Variants in GPHN observed in about 807,000 individuals in gnomAD.
The protein encoded by GPHN is gephyrin.
A neutral mutation model predicts 95.5 loss-of-function variants in GPHN; 17 were observed. The ratio of observed to expected loss-of-function variants is 0.18; its 90% confidence interval spans 0.12 to 0.27. The LOEUF (loss-of-function observed/expected upper bound fraction) is 0.27, where lower values mean the gene tolerates loss of function less well. Ranked by LOEUF, GPHN falls within the 10% of genes least tolerant of loss-of-function variation. The pLI is 1.00. For missense variants in GPHN, 660 were observed against 978.1 expected, an observed-to-expected ratio of 0.67 and a Z score of 4.34; for synonymous variants, 320 against 322.5, an observed-to-expected ratio of 0.99 and a Z score of 0.08.
At chr14:67,302,542 A>G in the GPHN span, 5 of 1,573,132 alleles carry the variant, frequency 3.2e-6, no homozygotes, top group African/African-American at 1.4e-5. Flanking sequence ...AATTCGGGGG[A>G]AAGATGTCAA....
chr14:67,292,768 G>C, the GPHN span: 1 of 1,392,084 alleles, frequency 7.2e-7, no homozygotes, highest in Non-Finnish European at 1.0e-6. Flanking sequence ...ATTAGTAGTG[G>C]CAGGAAGGCA....
chr14:66,757,856 A>C (rs1232188009), intron 2 of GPHN, among the ~76,000 whole-genome samples: 2 of 152,078 alleles, frequency 1.3e-5, no homozygotes, highest in Non-Finnish European at 2.9e-5. Context: ...TCTTTTTCTC[A>C]CAACCAGGAA....
At chr14:66,868,797 C>A (rs984567103) in intron 4 of GPHN, among the ~76,000 whole-genome samples, 15 of 152,160 alleles carry the variant, frequency 9.9e-5, no homozygotes, top group African/African-American at 3.4e-4. Flanking sequence ...CAACAAGATA[C>A]CTGAATTACT....
intron 1 of GPHN, among the ~76,000 whole-genome samples, chr14:66,521,730 AAG>A (rs1334519860): frequency 6.6e-6 from 1 of 152,026 alleles, no homozygotes; most frequent in Non-Finnish European, 1.5e-5. Flanking sequence ...ATCTCCTCCA[AAG>A]GTTCTACTTC....
chr14:67,394,569 A>G, the GPHN span, among the ~76,000 whole-genome samples: 1 of 151,522 alleles, frequency 6.6e-6, no homozygotes, highest in East Asian at 1.9e-4. Flanking sequence ...GACCCATAGG[A>G]GGTGTACAGT....
intron 8 of GPHN, among the ~76,000 whole-genome samples, chr14:66,931,628 T>C (rs958530342): frequency 6.6e-6 from 1 of 152,238 alleles, no homozygotes; most frequent in Non-Finnish European, 1.5e-5. Context: ...TTCTGCTTAA[T>C]CAGTTATGCT....
the GPHN span, among the ~76,000 whole-genome samples, chr14:67,304,468 C>G: frequency 1.3e-5 from 2 of 152,104 alleles, no homozygotes; most frequent in Non-Finnish European, 2.9e-5. Flanking sequence ...ATTTTAAAAG[C>G]CTACAGTACT....
chr14:66,884,284 G>A (rs117094029), intron 5 of GPHN, among the ~76,000 whole-genome samples: 1,831 of 152,146 alleles, frequency 0.012, 19 homozygotes, highest in Non-Finnish European at 0.018. Flanking sequence ...TCTGACTTCA[G>A]TCCCAAATCT....
At chr14:67,132,661 C>G (rs954703882) in intron 17 of GPHN, among the ~76,000 whole-genome samples, 1 of 151,922 alleles carries the variant, frequency 6.6e-6, no homozygotes, top group Non-Finnish European at 1.5e-5. Context: ...CCTCCTTTAT[C>G]TTTAAGCGTT....
chr14:67,659,233 T>C, the GPHN span, among the ~76,000 whole-genome samples: 1 of 152,212 alleles, frequency 6.6e-6, no homozygotes, highest in African/African-American at 2.4e-5. Flanking sequence ...CATTGGCTAC[T>C]GTATCTCAGT....
chr14:67,359,594 C>T, the GPHN span: 1 of 1,586,674 alleles, frequency 6.3e-7, no homozygotes, highest in East Asian at 2.2e-5. Flanking sequence ...GGCCCAGGGT[C>T]TGAAGGGACC....
chr14:67,724,681 C>G, the GPHN span: 1 of 1,031,494 alleles, frequency 9.7e-7, no homozygotes, highest in African/African-American at 1.6e-5. Context: ...GTGTTTCCTC[C>G]TAGGCTTGGG....
intron 8 of GPHN, among the ~76,000 whole-genome samples, chr14:66,953,804 G>A (rs912974461): frequency 5.9e-5 from 9 of 152,206 alleles, no homozygotes; most frequent in South Asian, 4.1e-4. Context: ...AGGCCGAGGT[G>A]GGCAGATCAC....
chr14:66,585,099 T>C (rs550923474), intron 1 of GPHN, among the ~76,000 whole-genome samples: 1 of 152,286 alleles, frequency 6.6e-6, no homozygotes, highest in South Asian at 2.1e-4. Flanking sequence ...ATTCAACTTC[T>C]TCTTGATTTA....
intron 12 of GPHN, among the ~76,000 whole-genome samples, chr14:67,096,683 C>T (rs185263828): frequency 6.5e-4 from 96 of 148,326 alleles, no homozygotes; most frequent in Admixed American, 1.6e-3. Flanking sequence ...TGGTACAATC[C>T]CAGCTCACTA....
At chr14:67,691,354 C>G in the GPHN span, 2 of 693,044 alleles carry the variant, frequency 2.9e-6, no homozygotes, top group Non-Finnish European at 5.1e-6. Context: ...CTTCAATCTT[C>G]CCTCCATTTT....
chr14:67,341,525 C>T, the GPHN span, among the ~76,000 whole-genome samples: 2 of 150,910 alleles, frequency 1.3e-5, no homozygotes, highest in African/African-American at 2.4e-5. Flanking sequence ...GGGGGTCAGC[C>T]CCCCGCCTGG....
At chr14:67,413,316 G>A in the GPHN span, among the ~76,000 whole-genome samples, 1 of 151,572 alleles carries the variant, frequency 6.6e-6, no homozygotes, top group Non-Finnish European at 1.5e-5. Flanking sequence ...TGTCCAGACT[G>A]GTCTCGAACT....
At chr14:66,625,161 C>G (rs751909101) in intron 1 of GPHN, among the ~76,000 whole-genome samples, 1 of 152,106 alleles carries the variant, frequency 6.6e-6, no homozygotes, top group Non-Finnish European at 1.5e-5. Context: ...TCACTATAGC[C>G]TTGACCTCCC....
Sources: gnomAD v4.1 joint callset for allele counts (sites outside exome capture counted in the v4.1 genomes callset) on GRCh38, gnomAD v4.1.1 for gene constraint, MANE v1.5 for transcripts, NCBI Gene and HGNC (gene_info 2026-07-23, HGNC 2026-07-21) for gene names.